Variants in MMP26 observed in about 807,000 individuals in gnomAD.
The protein encoded by MMP26 is matrix metalloproteinase-26.
MMP26 carries 33 observed loss-of-function variants against 31.0 expected under a neutral mutation model. The observed-to-expected ratio is 1.06, with a 90% CI of 0.81 to 1.42. The LOEUF (loss-of-function observed/expected upper bound fraction) is 1.42, where lower values mean the gene tolerates loss of function less well. MMP26 is among the 40% of genes most tolerant of loss of function. The pLI is 0.00. For synonymous variants in MMP26, 122 were observed against 114.9 expected (o/e 1.06, Z -0.40); for missense variants, 347 against 316.1 (o/e 1.10, Z -0.74).
rs143571751 is a variant in MMP26 at position 4,791,769 on chromosome 11, AG to A, written c.-145+24430del. Among the ~76,000 whole-genome samples the A allele has an allele frequency of 5.1e-3, 775 of 152,218 alleles. 8 individuals carry two copies. Among genetic ancestry groups the A allele is most frequent in the African/African-American group, 0.018 (743 of 41,532 alleles). On this transcript the variant is annotated intron_variant, in intron 2 of 7. Coordinates refer to ENST00000380390, the MANE Select transcript of MMP26 (RefSeq NM_021801.5). ...TTCAAAAAGTTTGGGCTCTAGGACTAGGTCCCCTGTGCTTGTGTCCAGTGTT... is the reference window on the plus strand; with the variant it reads ...TTCAAAAAGTTTGGGCTCTAGGACTAGTCCCCTGTGCTTGTGTCCAGTGTT...
At chr11:4,807,618 G>C (rs1234057413) in intron 2 of MMP26, among the ~76,000 whole-genome samples, 1 of 150,938 alleles carries the variant, frequency 6.6e-6, no homozygotes, top group Non-Finnish European at 1.5e-5. Context: ...GGGCCTGTCT[G>C]GGGGTGGGGG....
rs113046833 is a variant in MMP26 at position 4,725,073 on chromosome 11, T to G, written c.-217+20028T>G. Among the ~76,000 whole-genome samples, 34 of 152,286 alleles carry G rather than the reference T, an allele frequency of 2.2e-4. 2 individuals are homozygous for G. Among genetic ancestry groups the G allele is most frequent in the African/African-American group, 7.9e-4 (33 of 41,550 alleles). On this transcript the variant is annotated intron_variant, in intron 1 of 7. Transcript: ENST00000380390. The stretch of plus-strand genomic sequence containing the variant: ...CGTGAGATCTGGTCGTTTAGGAGTG[T>G]ATGGCACCTCCCCCTTGCTCCTTCT...
At chr11:4,770,444 T>C (rs1043755586) in intron 2 of MMP26, among the ~76,000 whole-genome samples, 3 of 152,144 alleles carry the variant, frequency 2.0e-5, no homozygotes, top group Non-Finnish European at 4.4e-5. Flanking sequence ...GGTAAACAAC[T>C]TCAGAGACTA....
chr11:4,807,149 T>A (rs141716025), intron 2 of MMP26, among the ~76,000 whole-genome samples: 26 of 152,324 alleles, frequency 1.7e-4, no homozygotes, highest in Non-Finnish European at 3.1e-4. Flanking sequence ...TGTGCATGTG[T>A]CTTTAGAGTA....
rs11826731 is a variant in MMP26 at position 4,868,879 on chromosome 11, A to G, written c.-145+101538A>G. Among the ~76,000 whole-genome samples, 1,198 of 152,316 alleles carry G rather than the reference A, an allele frequency of 7.9e-3. 11 individuals are homozygous for G. Among genetic ancestry groups the G allele is most frequent in the African/African-American group, 0.027 (1,135 of 41,570 alleles). ...TGGTACCAAAACAGAGATACAGACC[A>G]ATGGAACAGAACAGAGCCCTCAGAA... On this transcript the variant is annotated intron_variant, in intron 2 of 7. Transcript: ENST00000380390.
At chr11:4,876,705 T>C (rs1008466102) in intron 2 of MMP26, 5 of 151,014 alleles carry the variant, frequency 3.3e-5, no homozygotes, top group Non-Finnish European at 7.4e-5. Context: ...ACCATCCTTG[T>C]TGTCATCAAA....
intron 2 of MMP26, among the ~76,000 whole-genome samples, chr11:4,845,963 G>GT (rs1849861361): frequency 6.6e-6 from 1 of 152,154 alleles, no homozygotes; most frequent in Non-Finnish European, 1.5e-5. Flanking sequence ...GGGAATGTAA[G>GT]TAAGTACAAC....
chr11:4,731,023 C>A (rs1848166647), intron 1 of MMP26, among the ~76,000 whole-genome samples: 2 of 152,146 alleles, frequency 1.3e-5, no homozygotes, highest in African/African-American at 4.8e-5. Flanking sequence ...TGGTTCACTG[C>A]AGCCTCCACC....
At chr11:4,941,201 A>T (rs1275388631) in intron 2 of MMP26, among the ~76,000 whole-genome samples, 1 of 152,186 alleles carries the variant, frequency 6.6e-6, no homozygotes, top group Non-Finnish European at 1.5e-5. Flanking sequence ...TTTTATGTAC[A>T]TTTACACTAC....
At chr11:4,738,726 T>G (rs1848274881) in intron 1 of MMP26, among the ~76,000 whole-genome samples, 1 of 152,192 alleles carries the variant, frequency 6.6e-6, no homozygotes, top group Admixed American at 6.5e-5. Flanking sequence ...ATCTCTTCAT[T>G]TTTTGTCACT....
chr11:4,972,207 GC>G (rs1564817332), intron 2 of MMP26, among the ~76,000 whole-genome samples: 5 of 152,154 alleles, frequency 3.3e-5, no homozygotes. Context: ...AACTGACCTA[GC>G]ATGACTCTTG....
chr11:4,923,571 TG>T, intron 2 of MMP26: 1 of 1,613,754 alleles, frequency 6.2e-7, no homozygotes. Context: ...AAGCCAATCA[TG>T]GGGATGTAGA....
intron 2 of MMP26, among the ~76,000 whole-genome samples, chr11:4,852,204 AC>A (rs1849985173): frequency 6.6e-6 from 1 of 152,054 alleles, no homozygotes; most frequent in African/African-American, 2.4e-5. Context: ...AAATACATGA[AC>A]CAAAACTGAT....
chr11:4,946,378 A>T, intron 2 of MMP26: 1 of 1,613,680 alleles, frequency 6.2e-7, no homozygotes. Context: ...GTGAAACACA[A>T]GTATTGAGAG....
chr11:4,744,436 C>T (rs957923437), intron 1 of MMP26, among the ~76,000 whole-genome samples: 1 of 152,078 alleles, frequency 6.6e-6, no homozygotes, highest in Admixed American at 6.6e-5. Context: ...AATTCTCTTC[C>T]TGCAAAATGA....
intron 1 of MMP26, among the ~76,000 whole-genome samples, chr11:4,733,387 C>A (rs1848198845): frequency 6.6e-6 from 1 of 151,998 alleles, no homozygotes; most frequent in South Asian, 2.1e-4. Context: ...AAGTCTTATG[C>A]CTCTTTAATT....
intron 1 of MMP26, among the ~76,000 whole-genome samples, chr11:4,739,722 CT>C (rs1419956859): frequency 6.6e-6 from 1 of 151,332 alleles, no homozygotes; most frequent in East Asian, 1.9e-4. Context: ...TTTTTTATCT[CT>C]ATCTACTATT....
intron 2 of MMP26, among the ~76,000 whole-genome samples, chr11:4,960,485 A>AC (rs1846506297): frequency 1.1e-5 from 1 of 91,818 alleles, no homozygotes; most frequent in African/African-American, 4.2e-5. Flanking sequence ...CATCATTCCC[A>AC]CCCCCCACCC....
intron 2 of MMP26, chr11:4,972,858 T>C (rs1431546508): frequency 6.6e-6 from 1 of 152,228 alleles, no homozygotes; most frequent in Non-Finnish European, 1.5e-5. Context: ...TATTGTAAAG[T>C]GATTAACATA....
Sources: gnomAD v4.1 joint callset for allele counts (sites outside exome capture counted in the v4.1 genomes callset) on GRCh38, gnomAD v4.1.1 for gene constraint, MANE v1.5 for transcripts, NCBI Gene and HGNC (gene_info 2026-07-23, HGNC 2026-07-21) for gene names.